The following SMARCB1 variants were observed in gnomAD, a reference collection of about 807,000 sequenced individuals.
SMARCB1 encodes SWI/SNF-related matrix-associated actin-dependent regulator of chromatin subfamily B member 1.
SMARCB1 carries 5 observed loss-of-function variants against 49.0 expected under a neutral mutation model. The observed-to-expected ratio is 0.10, with a 90% CI of 0.05 to 0.21. The LOEUF is 0.21. SMARCB1 is among the 10% of genes least tolerant of loss of function. The probability of loss-of-function intolerance (pLI) is 1.00; values close to 1 mark genes in which losing one functional copy is unlikely to be tolerated. For missense variants in SMARCB1, 226 were observed against 509.2 expected, an observed-to-expected ratio of 0.44 and a Z score of 5.35; for synonymous variants, 201 against 200.1, an observed-to-expected ratio of 1.00 and a Z score of -0.04.
At chr22:23,789,034 A>T (rs575621013) in intron 1 of SMARCB1, among the ~76,000 whole-genome samples, 1 of 151,884 alleles carries the variant, frequency 6.6e-6, no homozygotes, top group South Asian at 2.1e-4. Flanking sequence ...ATTTTTAGTA[A>T]AGATGGGGTT....
In SMARCB1 at chr22:23,831,789, C is replaced by T. The variant is rs114475451; in HGVS notation, c.987-1783C>T. On this transcript the variant is annotated intron_variant, in intron 7 of 8. Transcript: ENST00000644036. ...CAAGGAAGGCTGCTGGGAGCCCTCACGGTGAGGAATGATGTTTGGGGTCTG... is the reference window on the plus strand; with the variant it reads ...CAAGGAAGGCTGCTGGGAGCCCTCATGGTGAGGAATGATGTTTGGGGTCTG... Among the ~76,000 whole-genome samples, 756 of 152,268 alleles carry T rather than the reference C, an allele frequency of 5.0e-3. 2 individuals are homozygous for T. The highest frequency in any genetic ancestry group is 0.024 in the Middle Eastern group (7 of 294).
intron 6 of SMARCB1, among the ~76,000 whole-genome samples, chr22:23,820,562 ACT>A (rs2030031338): frequency 6.6e-6 from 1 of 152,218 alleles, no homozygotes; most frequent in Non-Finnish European, 1.5e-5. Flanking sequence ...TGACAGCGAG[ACT>A]CTGACTCAGT....
chr22:23,801,149 C>T (rs1479822469), intron 4 of SMARCB1, 68 bp downstream of exon 4: 5 of 1,612,434 alleles, frequency 3.1e-6, no homozygotes, highest in Non-Finnish European at 4.2e-6. Flanking sequence ...CGTTTCAGTT[C>T]CTTCCTCCCC....
At position 23,837,208 on chromosome 22, in the gene SMARCB1, C is replaced by G; in HGVS notation, c.*3028C>G. On this transcript the variant is annotated 3_prime_UTR_variant, in exon 9 of 9. Transcript: ENST00000644036. ...ACCCTCCACAGCCCAGAGTCCTAGA[C>G]CAGCAGAGCCTGCCCCAGGCCCCCA... is the stretch of plus-strand genomic sequence containing the variant. 1.9e-6 allele frequency: 3 copies of G among 1,594,378 alleles called. No homozygotes were observed. The South Asian group carries it at 3.4e-5, about 18-fold the overall frequency.
chr22:23,816,876 C>G lies in SMARCB1; in HGVS notation c.735C>G (p.Ile245Met), dbSNP rs570024912. Residue 245 changes from isoleucine (I) to methionine (M), a missense_variant, in exon 6 of 9, where the codon ATC (isoleucine) becomes ATG (methionine). Physicochemically the swap from Ile to Met is conservative, Grantham distance 10. Transcript: ENST00000644036. Reference sequence around the variant, plus strand: ...TCGCCTCTGCCATCAGACAGCAGATCGAGTCCTACCCCACGGACAGCATCC... The same window carrying G: ...TCGCCTCTGCCATCAGACAGCAGATGGAGTCCTACCCCACGGACAGCATCC... ...PAIASAIRQQ[I>M]ESYPTDSILE... 3 of 1,614,026 alleles carry G rather than the reference C, an allele frequency of 1.9e-6. No individual in the cohort carries two copies. In the South Asian group the frequency reaches 3.3e-5, roughly 18 times the overall value.
intron 4 of SMARCB1, 30 bp from the exon 5 acceptor site, chr22:23,803,265 C>G: frequency 6.2e-7 from 1 of 1,613,964 alleles, no homozygotes. Flanking sequence ...CCGGCCCCCT[C>G]GCTGACTGTT....
At chr22:23,803,130 C>A in intron 4 of SMARCB1, 165 bp from the exon 5 acceptor site, 3 of 850,430 alleles carry the variant, frequency 3.5e-6, no homozygotes, top group African/African-American at 1.6e-5. Flanking sequence ...GACCGTGGCC[C>A]CGGGACCCCT....
chr22:23,833,771 A>G (rs2030801560), intron 8 of SMARCB1, 68 bp downstream of exon 8: 3 of 1,554,164 alleles, frequency 1.9e-6, no homozygotes, highest in Non-Finnish European at 2.7e-6. Context: ...AGGCAGGGCC[A>G]TTGCCTTTCC....
intron 5 of SMARCB1, among the ~76,000 whole-genome samples, chr22:23,806,622 A>G (rs1337066786): frequency 2.6e-5 from 4 of 152,130 alleles, no homozygotes; most frequent in Non-Finnish European, 5.9e-5. Context: ...TGTTCAGCCC[A>G]CCTTCAGAAT....
intron 5 of SMARCB1, 36 bp downstream of exon 5, chr22:23,803,458 A>C: frequency 6.2e-7 from 1 of 1,612,842 alleles, no homozygotes; most frequent in Non-Finnish European, 8.5e-7. Context: ...GCCTGGCCCC[A>C]ACCCCTGTGT....
chr22:23,817,014 C>A, intron 6 of SMARCB1, 78 bp downstream of exon 6: 2 of 1,198,424 alleles, frequency 1.7e-6, no homozygotes, highest in East Asian at 2.4e-5. Context: ...GAGGGTACAC[C>A]AAGGCCTCAG....
intron 7 of SMARCB1, chr22:23,826,281 C>A (rs371202943): frequency 6.6e-6 from 1 of 151,778 alleles, no homozygotes; most frequent in Non-Finnish European, 1.5e-5. Flanking sequence ...AAAAATGAGC[C>A]GGGCATGTTG....
At chr22:23,814,785 A>G (rs1930085320) in intron 5 of SMARCB1, among the ~76,000 whole-genome samples, 1 of 151,808 alleles carries the variant, frequency 6.6e-6, no homozygotes, top group Non-Finnish European at 1.5e-5. Context: ...AGCTTGACCA[A>G]CGTGGAGAAA....
chr22:23,813,469 C>G (rs1020457502), intron 5 of SMARCB1, among the ~76,000 whole-genome samples: 3 of 152,132 alleles, frequency 2.0e-5, no homozygotes, highest in African/African-American at 7.2e-5. Context: ...ATGCAGAAAT[C>G]CATTTTATTT....
chr22:23,821,171 G>T (rs1601428222), intron 6 of SMARCB1, among the ~76,000 whole-genome samples: 1 of 152,330 alleles, frequency 6.6e-6, no homozygotes, highest in East Asian at 1.9e-4. Flanking sequence ...GTGGCAGCTG[G>T]CAGGTTGAGA....
chr22:23,834,781 C>G lies in SMARCB1; in HGVS notation c.*601C>G, dbSNP rs1323050890. On this transcript the variant is annotated 3_prime_UTR_variant, in exon 9 of 9. Transcript: ENST00000644036. ...GCTGTGAGGCTCAGGGCAAGAGGCT[C>G]TCTGCCTTTCAGGAACAGCCCTAAC... 3.8e-6 allele frequency: 6 copies of G among 1,577,220 alleles called. No homozygotes were observed. Among genetic ancestry groups the G allele is most frequent in the Non-Finnish European group, 5.2e-6 (6 of 1,163,252 alleles).
intron 5 of SMARCB1, among the ~76,000 whole-genome samples, chr22:23,807,605 A>AAT (rs1261176837): frequency 6.6e-6 from 1 of 151,408 alleles, no homozygotes; most frequent in Non-Finnish European, 1.5e-5. Context: ...TAAAAAAAAA[A>AAT]ATCAAATGAT....
intron 5 of SMARCB1, chr22:23,816,401 A>T: frequency 2.4e-6 from 1 of 420,592 alleles, no homozygotes; most frequent in Non-Finnish European, 4.5e-6. Flanking sequence ...CCACCAGTTC[A>T]GCACAGAGGG....
rs56800497 is a variant in SMARCB1 at position 23,830,649 on chromosome 22, C to CTTTTTTTTTTTTTT, written c.987-2903_987-2890dup. Reference sequence around the variant, plus strand: ...TTCATTTTGATGTAGTCCAATTTATCTTTTTTTTTTTTTTTTTTTTTTTTT... The same window carrying CTTTTTTTTTTTTTT: ...TTCATTTTGATGTAGTCCAATTTATCTTTTTTTTTTTTTTTTTTTTTTTTTTTTTTTTTTTTTTT... On this transcript the variant is annotated intron_variant, in intron 7 of 8. Coordinates refer to ENST00000644036, the MANE Select transcript of SMARCB1 (RefSeq NM_003073.5). 1.8e-4 allele frequency among the ~76,000 whole-genome samples: 17 copies of CTTTTTTTTTTTTTT among 95,416 alleles called. 2 individuals are homozygous for CTTTTTTTTTTTTTT. The highest frequency in any genetic ancestry group is 4.3e-4 in the South Asian group (1 of 2,328). The allele number at this position is 95,416 out of a possible 152,430, so 62.6% of individuals were successfully genotyped here. A position where few individuals can be genotyped will look rare whatever the true frequency, so the allele number is the denominator to read the frequency against.
Sources: allele counts gnomAD v4.1 joint callset (sites outside exome capture counted in the v4.1 genomes callset), GRCh38; gene constraint gnomAD v4.1.1; transcripts MANE v1.5; gene names NCBI Gene and HGNC (gene_info 2026-07-23, HGNC 2026-07-21).